The following WDFY4 variants were observed in gnomAD, a reference collection of about 807,000 sequenced individuals.
The protein encoded by WDFY4 is WD repeat- and FYVE domain-containing protein 4.
A neutral mutation model predicts 351.9 loss-of-function variants in WDFY4; 169 were observed. That is an observed-to-expected ratio of 0.48 (90% CI 0.42 to 0.55). The LOEUF is 0.55. Among genes scored for constraint, WDFY4 ranks in the 20% least tolerant of loss-of-function variants. The pLI, the probability that WDFY4 is intolerant of heterozygous loss-of-function variation, is 0.00. For synonymous variants in WDFY4, 1,622 were observed against 1,574.6 expected (o/e 1.03, Z -0.71); for missense variants, 3,803 against 3,935.6 (o/e 0.97, Z 0.90).
In WDFY4 at chr10:48,897,439, C is replaced by A. The variant is rs573088164; in HGVS notation, c.7317-15C>A. ...ATGTCTGAACATGTGCCCTGCATGC[C>A]TGTTTCCTTTTCAGCATCAGCGATC... On this transcript the variant is annotated splice_polypyrimidine_tract_variant and intron_variant, in intron 44 of 61. Coordinates refer to ENST00000325239, the MANE Select transcript of WDFY4 (RefSeq NM_001394531.1). 3.9e-6 allele frequency: 6 copies of A among 1,550,186 alleles called. No individual in the cohort carries two copies. Among genetic ancestry groups the A allele is most frequent in the Non-Finnish European group, 4.4e-6 (5 of 1,146,232 alleles).
intron 41 of WDFY4, among the ~76,000 whole-genome samples, chr10:48,873,975 A>T (rs2069890737): frequency 6.6e-6 from 1 of 152,210 alleles, no homozygotes; most frequent in South Asian, 2.1e-4. Context: ...TGCTGCAGGC[A>T]CAGCCCTGTG....
chr10:48,785,617 G>C (rs1012556984), intron 19 of WDFY4, among the ~76,000 whole-genome samples: 2 of 152,146 alleles, frequency 1.3e-5, no homozygotes, highest in Non-Finnish European at 2.9e-5. Context: ...AATTGCTTTT[G>C]CATCTTTGTC....
At chr10:48,720,902 G>A (rs555245586) in intron 3 of WDFY4, among the ~76,000 whole-genome samples, 1 of 152,314 alleles carries the variant, frequency 6.6e-6, no homozygotes, top group Non-Finnish European at 1.5e-5. Context: ...GCTCAGCATG[G>A]TGTAGATTTC....
intron 47 of WDFY4, among the ~76,000 whole-genome samples, chr10:48,909,117 G>C (rs1440025549): frequency 6.6e-6 from 1 of 151,972 alleles, no homozygotes; most frequent in Non-Finnish European, 1.5e-5. Flanking sequence ...TCCTCTTTTC[G>C]CTGAGTAGTA....
At chr10:48,861,529 G>A (rs886450179) in intron 39 of WDFY4, among the ~76,000 whole-genome samples, 1 of 152,002 alleles carries the variant, frequency 6.6e-6, no homozygotes, top group East Asian at 1.9e-4. Context: ...ACTTCCTTTT[G>A]GACTCCATGG....
At chr10:48,930,364 C>T (rs1475077521) in intron 47 of WDFY4, among the ~76,000 whole-genome samples, 1 of 152,198 alleles carries the variant, frequency 6.6e-6, no homozygotes, top group African/African-American at 2.4e-5. Context: ...TGAGTGTGTA[C>T]CCTCTTGGAG....
chr10:48,869,605 A>G (rs1254934223), intron 40 of WDFY4, among the ~76,000 whole-genome samples: 2 of 151,852 alleles, frequency 1.3e-5, no homozygotes, highest in Non-Finnish European at 2.9e-5. Context: ...GGCCCTGTTC[A>G]GATTCCCCTT....
intron 23 of WDFY4, among the ~76,000 whole-genome samples, chr10:48,794,025 G>C (rs1277376832): frequency 6.6e-6 from 1 of 152,164 alleles, no homozygotes; most frequent in Non-Finnish European, 1.5e-5. Context: ...GAGCTGGTCT[G>C]GGTTCCTCCA....
intron 51 of WDFY4, 140 bp downstream of exon 51, chr10:48,947,109 T>G: frequency 1.4e-6 from 1 of 724,136 alleles, no homozygotes; most frequent in African/African-American, 1.8e-5. Context: ...TGATTCCCAG[T>G]TGACATTGGC....
At chr10:48,715,374 A>T (rs2063874455) in intron 2 of WDFY4, among the ~76,000 whole-genome samples, 1 of 152,244 alleles carries the variant, frequency 6.6e-6, no homozygotes, top group Non-Finnish European at 1.5e-5. Context: ...ATAAGAAGGA[A>T]TACATCCATT....
chr10:48,816,042 A>G (rs1429362363), intron 31 of WDFY4, among the ~76,000 whole-genome samples: 1 of 152,190 alleles, frequency 6.6e-6, no homozygotes, highest in Non-Finnish European at 1.5e-5. Context: ...GCCTGGACCT[A>G]AATTTGTCCC....
intron 55 of WDFY4, chr10:48,966,896 C>T (rs377282212): frequency 1.8e-6 from 1 of 570,086 alleles, no homozygotes; most frequent in East Asian, 3.0e-5. Context: ...CCACGTCTCT[C>T]TGTCTTTCTG....
At chr10:48,898,098 G>A (rs890500403) in intron 45 of WDFY4, among the ~76,000 whole-genome samples, 1 of 152,104 alleles carries the variant, frequency 6.6e-6, no homozygotes, top group Non-Finnish European at 1.5e-5. Flanking sequence ...CCTCCAACCA[G>A]GATCTTTCAG....
chr10:48,893,031 G>T (rs1193600044), intron 44 of WDFY4, among the ~76,000 whole-genome samples: 1 of 152,214 alleles, frequency 6.6e-6, no homozygotes, highest in Non-Finnish European at 1.5e-5. Context: ...AGTCCTAGAG[G>T]CTGGCAGCAT....
chr10:48,832,442 GGTT>G (rs1344165474), intron 38 of WDFY4, 128 bp from the exon 39 acceptor site: 2 of 1,096,992 alleles, frequency 1.8e-6, no homozygotes, highest in Non-Finnish European at 2.5e-6. Flanking sequence ...TTGTAGCCTG[GGTT>G]GTTTCTCTTT....
intron 39 of WDFY4, among the ~76,000 whole-genome samples, chr10:48,834,466 A>G (rs188733737): frequency 5.4e-4 from 82 of 152,358 alleles, no homozygotes; most frequent in African/African-American, 1.8e-3. Flanking sequence ...TAAATGCTTT[A>G]GAAATAGGAG....
At chr10:48,969,721 C>T (rs1479195601) in intron 56 of WDFY4, among the ~76,000 whole-genome samples, 1 of 134,864 alleles carries the variant, frequency 7.4e-6, no homozygotes, top group Non-Finnish European at 1.6e-5. Context: ...TCCTCAGGCC[C>T]CATTCCTACT....
At chr10:48,811,846 CT>C in intron 30 of WDFY4, 138 bp downstream of exon 30, 1 of 879,624 alleles carries the variant, frequency 1.1e-6, no homozygotes, top group South Asian at 1.7e-5. Flanking sequence ...ACTTCCCTCC[CT>C]AGCAGCCCAC....
chr10:48,962,888 C>T (rs1390539442), intron 53 of WDFY4, among the ~76,000 whole-genome samples: 1 of 152,194 alleles, frequency 6.6e-6, no homozygotes, highest in East Asian at 1.9e-4. Flanking sequence ...CTGCTGCATG[C>T]CCCCAGCTAG....
Sources: allele counts gnomAD v4.1 joint callset (sites outside exome capture counted in the v4.1 genomes callset), GRCh38; gene constraint gnomAD v4.1.1; transcripts MANE v1.5; gene names NCBI Gene and HGNC (gene_info 2026-07-23, HGNC 2026-07-21).